The following NPAS3 variants were observed in gnomAD, a reference collection of about 807,000 sequenced individuals.
NPAS3 encodes neuronal PAS domain-containing protein 3.
A neutral mutation model predicts 73.1 loss-of-function variants in NPAS3; 14 were observed. That is an observed-to-expected ratio of 0.19 (90% CI 0.13 to 0.30). NPAS3 has a LOEUF of 0.30. Among genes scored for constraint, NPAS3 ranks in the 10% least tolerant of loss-of-function variants. NPAS3 has a pLI of 1.00. For missense variants in NPAS3, 1,096 were observed against 1,250.0 expected, an observed-to-expected ratio of 0.88 and a Z score of 1.86; for synonymous variants, 620 against 541.5, an observed-to-expected ratio of 1.14 and a Z score of -2.01.
chr14:33,046,614 G>C (rs1476748407), intron 1 of NPAS3, among the ~76,000 whole-genome samples: 2 of 152,174 alleles, frequency 1.3e-5, no homozygotes, highest in African/African-American at 4.8e-5. Context: ...TCAAGGGCCA[G>C]TTCTATATGT....
chr14:32,977,942 A>C (rs551284346), intron 1 of NPAS3, among the ~76,000 whole-genome samples: 13 of 152,308 alleles, frequency 8.5e-5, no homozygotes, highest in African/African-American at 2.6e-4. Context: ...GGACCGGCAA[A>C]GTTGGACTTA....
At chr14:33,561,172 T>C (rs1005305682) in intron 5 of NPAS3, among the ~76,000 whole-genome samples, 2 of 152,190 alleles carry the variant, frequency 1.3e-5, no homozygotes, top group African/African-American at 4.8e-5. Context: ...AAGATTTGTC[T>C]CTCTCCTTTA....
chr14:33,401,169 C>A (rs1285511343), intron 4 of NPAS3, among the ~76,000 whole-genome samples: 2 of 152,100 alleles, frequency 1.3e-5, no homozygotes, highest in African/African-American at 2.4e-5. Flanking sequence ...CTGTACCTTG[C>A]AATATTTATT....
At chr14:33,571,549 AC>A (rs1326964860) in intron 5 of NPAS3, among the ~76,000 whole-genome samples, 1 of 152,134 alleles carries the variant, frequency 6.6e-6, no homozygotes, top group Non-Finnish European at 1.5e-5. Flanking sequence ...AAAGGATATA[AC>A]TTTTGATGGT....
At chr14:33,107,263 T>G (rs2095524) in intron 2 of NPAS3, among the ~76,000 whole-genome samples, 30,800 of 152,130 alleles carry the variant, frequency 0.2, 3,633 homozygotes, top group Admixed American at 0.34. Flanking sequence ...TAATTTTTAT[T>G]TTAGAATCAG....
chr14:33,365,201 C>CAAAAA (rs371230319), intron 3 of NPAS3, among the ~76,000 whole-genome samples: 14,499 of 44,950 alleles, frequency 0.32, 3,016 homozygotes, highest in South Asian at 0.45. Flanking sequence ...CCCATAATCT[C>CAAAAA]AAAAAAAAAA....
intron 4 of NPAS3, among the ~76,000 whole-genome samples, chr14:33,378,456 C>G (rs1214245572): frequency 6.6e-6 from 1 of 151,910 alleles, no homozygotes; most frequent in Admixed American, 6.6e-5. Context: ...ACCAACATGG[C>G]GAAACCCTAT....
intron 4 of NPAS3, among the ~76,000 whole-genome samples, chr14:33,521,514 A>T (rs924996103): frequency 0.012 from 309 of 25,412 alleles, 2 homozygotes; most frequent in African/African-American, 0.036. Context: ...GATCTGCTTT[A>T]AAAAAAAAAA....
chr14:33,416,512 G>A (rs1480937593), intron 4 of NPAS3, among the ~76,000 whole-genome samples: 6 of 151,746 alleles, frequency 4.0e-5, no homozygotes, highest in African/African-American at 1.2e-4. Context: ...ATAAAATACA[G>A]TCTTTGAATA....
chr14:33,568,462 C>A (rs1183858513), intron 5 of NPAS3, among the ~76,000 whole-genome samples: 1 of 152,070 alleles, frequency 6.6e-6, no homozygotes, highest in Non-Finnish European at 1.5e-5. Context: ...GTCCATAATG[C>A]GGTGCTTATA....
At chr14:33,774,310 T>C in intron 7 of NPAS3, 27 bp from the exon 8 acceptor site, 1 of 1,577,276 alleles carries the variant, frequency 6.3e-7, no homozygotes, top group Non-Finnish European at 8.7e-7. Flanking sequence ...ATTTGACTGG[T>C]GTCCTGTACT....
At chr14:33,242,878 G>C (rs1310773356) in intron 3 of NPAS3, among the ~76,000 whole-genome samples, 1 of 152,046 alleles carries the variant, frequency 6.6e-6, no homozygotes, top group African/African-American at 2.4e-5. Flanking sequence ...AGATGATGTG[G>C]AAATGCATAA....
rs71118544 is a variant in NPAS3 at position 33,446,166 on chromosome 14, C to CTTTTTTTTTTTTTT, written c.468+78905_468+78918dup. Among the ~76,000 whole-genome samples the CTTTTTTTTTTTTTT allele has an allele frequency of 2.8e-4, 34 of 119,990 alleles. 1 individual carries two copies. The highest frequency in any genetic ancestry group is 1.1e-3 in the African/African-American group (34 of 31,478). The allele number at this position is 119,990 out of a possible 152,430, so 78.7% of individuals were successfully genotyped here. A position where few individuals can be genotyped will look rare whatever the true frequency, so the allele number is the denominator to read the frequency against. ...CTTCTCTAGGGACACTTCATGCTTTCTTTTTTTTTTTTTTTTTTTTGAGAC... is the reference window on the plus strand; with the variant it reads ...CTTCTCTAGGGACACTTCATGCTTTCTTTTTTTTTTTTTTTTTTTTTTTTTTTTTTTTTTGAGAC... On this transcript the variant is annotated intron_variant, in intron 4 of 11. Coordinates refer to ENST00000356141, the Ensembl canonical transcript of NPAS3.
At chr14:33,051,118 C>CA (rs368700440) in intron 1 of NPAS3, among the ~76,000 whole-genome samples, 36 of 150,034 alleles carry the variant, frequency 2.4e-4, no homozygotes, top group African/African-American at 8.9e-4. Context: ...ACTAAAAATA[C>CA]AAAAAATTAG....
chr14:33,131,907 G>A (rs1264369837), intron 2 of NPAS3, among the ~76,000 whole-genome samples: 2 of 152,152 alleles, frequency 1.3e-5, no homozygotes, highest in Admixed American at 6.6e-5. Context: ...GAGAAAGTGG[G>A]ACAAGTCATG....
chr14:33,402,025 C>A (rs2047466987), intron 4 of NPAS3, among the ~76,000 whole-genome samples: 1 of 152,086 alleles, frequency 6.6e-6, no homozygotes. Flanking sequence ...CAAGGCATGT[C>A]CCTACAAATA....
chr14:33,732,722 T>C (rs1051080984), intron 6 of NPAS3, among the ~76,000 whole-genome samples: 1 of 152,156 alleles, frequency 6.6e-6, no homozygotes, highest in Admixed American at 6.5e-5. Context: ...AAACCGACCT[T>C]AACACTCCCC....
At chr14:32,962,945 G>A (rs2036995980) in intron 1 of NPAS3, among the ~76,000 whole-genome samples, 1 of 151,092 alleles carries the variant, frequency 6.6e-6, no homozygotes, top group South Asian at 2.1e-4. Context: ...GGTCTCCTGG[G>A]TTCAAGTGAT....
chr14:33,743,035 T>C lies in NPAS3; in HGVS notation c.852+7703T>C, dbSNP rs949725337. On this transcript the variant is annotated intron_variant, in intron 7 of 11. Transcript: ENST00000356141. ...TGCAGTTCTTCCCTCCACTGAAGTC[T>C]TGAGCACCTCAAAGTCATCCATAAG... Among the ~76,000 whole-genome samples the C allele has an allele frequency of 3.5e-4, 53 of 152,334 alleles. 2 individuals carry two copies. Among genetic ancestry groups the C allele is most frequent in the African/African-American group, 1.2e-3 (51 of 41,572 alleles).
Sources: gnomAD v4.1 joint callset for allele counts (sites outside exome capture counted in the v4.1 genomes callset) on GRCh38, gnomAD v4.1.1 for gene constraint, MANE v1.5 for transcripts, NCBI Gene and HGNC (gene_info 2026-07-23, HGNC 2026-07-21) for gene names.